Variants in HERC2 observed in about 807,000 individuals in gnomAD.
HERC2 encodes HECT and RLD domain containing E3 ubiquitin protein ligase 2.
In HERC2, 102 loss-of-function variants were observed where a neutral mutation model predicts 537.7. The observed-to-expected ratio is 0.19, with a 90% confidence interval of 0.16 to 0.22. HERC2 has a LOEUF of 0.22. Among genes scored for constraint, HERC2 ranks in the 10% least tolerant of loss-of-function variants. HERC2 has a pLI of 1.00. For missense variants in HERC2, 4,236 were observed against 6,198.2 expected (o/e 0.68, Z 10.63); for synonymous variants, 2,224 against 2,466.2 (o/e 0.90, Z 2.91).
At chr15:28,321,636 G>A (rs1237090364) in intron 1 of HERC2, among the ~76,000 whole-genome samples, 172 bp from the exon 2 acceptor site, 4 of 123,598 alleles carry the variant, frequency 3.2e-5, no homozygotes, top group Admixed American at 7.8e-5. Flanking sequence ...GGGAGAGGGA[G>A]GTGGGGAAGG....
Position 28,168,461 on chromosome 15 carries a change from C to T in HERC2, c.10359G>A (p.Leu3453=), listed in dbSNP as rs769324545. The T allele has an allele frequency of 2.5e-6, 4 of 1,614,202 alleles. No homozygotes were observed. The Admixed American group carries it at 6.7e-5, about 27-fold the overall frequency. Residue 3453 remains leucine, a synonymous_variant, in exon 67 of 93, where the codon CTG becomes CTA. Coordinates refer to ENST00000261609, the MANE Select transcript of HERC2 (RefSeq NM_004667.6). The stretch of plus-strand genomic sequence containing the variant: ...TCAGTCTGTCTTCGATATCAACAGC[C>T]AGCATGCATTCTTCTCCATTCATGG... The part of the protein sequence containing the change: ...ASPMNGEECM[L]AVDIEDRLSP...
chr15:28,295,618 G>A (rs1460894402), intron 3 of HERC2, among the ~76,000 whole-genome samples: 3 of 151,984 alleles, frequency 2.0e-5, no homozygotes, highest in South Asian at 2.1e-4. Flanking sequence ...GGCTGGTCTC[G>A]AACTCCTGAC....
Position 28,260,977 on chromosome 15 carries a change from G to C in HERC2, c.2123-7C>G. On this transcript the variant is annotated splice_polypyrimidine_tract_variant and splice_region_variant and intron_variant, in intron 15 of 92. Transcript: ENST00000261609. ...ACATCAATCACCTTCTTCCCTACAA[G>C]GGAAGAGGGATGCAGATGCAGCTTC... is the stretch of plus-strand genomic sequence containing the variant. 6.2e-7 allele frequency: 1 copy of C among 1,608,226 alleles called. No individual in the cohort carries two copies. Among genetic ancestry groups the C allele is most frequent in the Non-Finnish European group, 8.5e-7 (1 of 1,175,900 alleles).
rs555809688 is a variant in HERC2, at chr15:28,144,114, C to T, written c.11262G>A (p.Ala3754=). Residue 3754 remains alanine, a synonymous_variant, in exon 73 of 93, where the codon GCG becomes GCA. Transcript: ENST00000261609. ...GCTGTGCACAAGCTGCCAGCGAGGC[C>T]GCAAGGCGAGGGACGATGCTTCTGT... ...ASNRSIVPRL[A]ASLAACAQLS... The T allele has an allele frequency of 3.7e-6, 6 of 1,614,144 alleles. No individual in the cohort carries two copies. Among genetic ancestry groups the T allele is most frequent in the African/African-American group, 1.3e-5 (1 of 75,056 alleles).
At chr15:28,289,108 A>C (rs112716923) in intron 4 of HERC2, among the ~76,000 whole-genome samples, 1,542 of 152,032 alleles carry the variant, frequency 0.01, 20 homozygotes, top group African/African-American at 0.034. Context: ...AAAACGCCAG[A>C]GATGATAGAT....
chr15:28,283,018 A>G (rs1351291532), intron 4 of HERC2, among the ~76,000 whole-genome samples: 1 of 140,976 alleles, frequency 7.1e-6, no homozygotes, highest in African/African-American at 2.8e-5. Context: ...GGAAGAGAGA[A>G]AGAAATGTCC....
At position 28,177,632 on chromosome 15, in the gene HERC2, G is replaced by GT; in HGVS notation, c.9164-124dup. On this transcript the variant is annotated intron_variant, in intron 59 of 92. Coordinates refer to ENST00000261609, the MANE Select transcript of HERC2 (RefSeq NM_004667.6). The surrounding 1 kb of genome is among the most constrained non-coding windows in gnomAD (Gnocchi z 5.0). ...CAATGAGCGTGAGCTGAATAAATGA[G>GT]TAACTCAACAGGATCAACAGCGGAG... 4 of 787,092 alleles carry GT rather than the reference G, an allele frequency of 5.1e-6. No individual in the cohort carries two copies. The highest frequency in any genetic ancestry group is 4.6e-5 in the South Asian group (3 of 65,080). 48.8% of individuals were successfully genotyped at this position (787,092 alleles called of 1,614,324 possible). A position where few individuals can be genotyped will look rare whatever the true frequency, so the allele number is the denominator to read the frequency against.
At chr15:28,119,250 A>T (rs181227855) in intron 86 of HERC2, among the ~76,000 whole-genome samples, 32 of 151,926 alleles carry the variant, frequency 2.1e-4, no homozygotes, top group African/African-American at 7.7e-4. Flanking sequence ...AAAAAAAAAA[A>T]TTAGCCTGGC....
Position 28,122,050 on chromosome 15 carries a change from G to A in HERC2, c.13189-621C>T, listed in dbSNP as rs11074320. Among the ~76,000 whole-genome samples, 121,389 of 141,372 alleles carry A rather than the reference G, an allele frequency of 0.86. 55,628 individuals carry two copies. The highest frequency in any genetic ancestry group is 0.99 in the Non-Finnish European group (64,485 of 64,888). 92.7% of individuals were successfully genotyped at this position (141,372 alleles called of 152,430 possible). On this transcript the variant is annotated intron_variant, in intron 85 of 92. Transcript: ENST00000261609. The surrounding 1 kb of genome is among the most constrained non-coding windows in gnomAD (Gnocchi z 4.1). ...CCACTGCCTGCCATACAGCAGCCAC[G>A]GGGCCAGGGAGCACCGTGCAGCCAG...
In HERC2 at chr15:28,114,739, A is replaced by G; in HGVS notation, c.13786T>C (p.Phe4596Leu). Residue 4596 changes from phenylalanine to leucine, a missense_variant, in exon 90 of 93, where the codon TTT becomes CTT. By Grantham distance (22) the Phe-to-Leu change is conservative. Around this residue, in one of 27 missense-constraint regions of HERC2, gnomAD observed 313 missense variants for 462.6 expected, o/e 0.68. Coordinates refer to ENST00000261609, the MANE Select transcript of HERC2 (RefSeq NM_004667.6). ...GTGAAGGGCAGGCTCATGGCTTCAAACTCCTCTGAGGTGGCTTCATTGTCT... is the reference window on the plus strand; with the variant it reads ...GTGAAGGGCAGGCTCATGGCTTCAAGCTCCTCTGAGGTGGCTTCATTGTCT... ...IRDNEATSEE[F>L]EAMSLPFTVP... The G allele has an allele frequency of 1.2e-6, 2 of 1,613,784 alleles. No individual in the cohort carries two copies. The highest frequency in any genetic ancestry group is 1.7e-6 in the Non-Finnish European group (2 of 1,179,944).
At chr15:28,126,590 TG>T (rs1456251486) in intron 83 of HERC2, among the ~76,000 whole-genome samples, 1 of 152,200 alleles carries the variant, frequency 6.6e-6, no homozygotes, top group Admixed American at 6.5e-5. Flanking sequence ...ACAACCTGGA[TG>T]GGACTAGAGA....
chr15:28,229,751 G>A lies in HERC2; in HGVS notation c.4906C>T (p.Leu1636Phe). 2 of 1,588,890 alleles carry A rather than the reference G, an allele frequency of 1.3e-6. No individual in the cohort carries two copies. The highest frequency in any genetic ancestry group is 1.7e-6 in the Non-Finnish European group (2 of 1,158,880). ...VQGLYPQSPLLSTIAEFALKE... is the reference protein window; with the variant it reads ...VQGLYPQSPLFSTIAEFALKE... The stretch of plus-strand genomic sequence containing the variant: ...AGGGCAAATTCAGCAATTGTACTGA[G>A]GAGTGGAGACTGCGGATAAAGACCC... Residue 1636 changes from leucine (L) to phenylalanine (F), a missense_variant, in exon 32 of 93, where the codon CTC (leucine) becomes TTC (phenylalanine). Around this residue, in one of 27 missense-constraint regions of HERC2, gnomAD observed 343 missense variants for 417.2 expected, o/e 0.82. Coordinates refer to ENST00000261609, the MANE Select transcript of HERC2 (RefSeq NM_004667.6).
intron 67 of HERC2, among the ~76,000 whole-genome samples, chr15:28,168,202 T>G (rs1320622303): frequency 2.0e-5 from 3 of 152,192 alleles, no homozygotes; most frequent in Non-Finnish European, 2.9e-5. Flanking sequence ...TGAACTTGAT[T>G]TAATGGTTTT....
At chr15:28,236,702 C>A (rs1049692954) in intron 26 of HERC2, among the ~76,000 whole-genome samples, 1 of 152,114 alleles carries the variant, frequency 6.6e-6, no homozygotes, top group Non-Finnish European at 1.5e-5. Context: ...ATCCTCCTAC[C>A]TCAGCCTCCT....
At chr15:28,139,325 C>T (rs368577104) in intron 78 of HERC2, among the ~76,000 whole-genome samples, 1 of 152,226 alleles carries the variant, frequency 6.6e-6, no homozygotes, top group African/African-American at 2.4e-5. Context: ...GGTGCTCCCT[C>T]CTGCGCCTCC....
At chr15:28,131,686 G>A (rs769625147) in intron 81 of HERC2, among the ~76,000 whole-genome samples, 8 of 152,146 alleles carry the variant, frequency 5.3e-5, no homozygotes, top group African/African-American at 1.2e-4. Context: ...AGATGGCCCC[G>A]GCTAACCCAG....
intron 18 of HERC2, 24 bp downstream of exon 18, chr15:28,256,065 C>A (rs745464450): frequency 6.2e-7 from 1 of 1,604,052 alleles, no homozygotes; most frequent in South Asian, 1.1e-5. Flanking sequence ...CCCATGCCCT[C>A]TCCTGTTCCT....
At chr15:28,207,633 T>C (rs1898630025) in intron 44 of HERC2, among the ~76,000 whole-genome samples, 1 of 152,114 alleles carries the variant, frequency 6.6e-6, no homozygotes, top group South Asian at 2.1e-4. Context: ...CCTTTAGGAC[T>C]CTGTTTGACA....
intron 65 of HERC2, among the ~76,000 whole-genome samples, 155 bp from the exon 66 acceptor site, chr15:28,169,810 A>G (rs1424327947): frequency 6.6e-6 from 1 of 152,248 alleles, no homozygotes; most frequent in African/African-American, 2.4e-5. Context: ...GGCCTTCAAA[A>G]TAAGAAAACC....
Sources: gnomAD v4.1 joint callset for allele counts (sites outside exome capture counted in the v4.1 genomes callset) on GRCh38, gnomAD v4.1.1 for gene constraint, gnomAD v4.1.1 regional missense constraint, Gnocchi (gnomAD v3.1) non-coding constraint, MANE v1.5 for transcripts, NCBI Gene and HGNC (gene_info 2026-07-23, HGNC 2026-07-21) for gene names.